ZNF521: variants seen among roughly 807,000 people sequenced by gnomAD.
The protein encoded by ZNF521 is LYST-interacting protein 3.
Under a neutral mutation model 105.5 loss-of-function variants are expected in ZNF521, and 14 were observed. The ratio of observed to expected loss-of-function variants is 0.13; its 90% CI spans 0.09 to 0.21. The LOEUF (loss-of-function observed/expected upper bound fraction) is 0.21, where lower values mean the gene tolerates loss of function less well. Ranked by LOEUF, ZNF521 falls within the 10% of genes least tolerant of loss-of-function variation. The probability of loss-of-function intolerance (pLI) is 1.00; values close to 1 mark genes in which losing one functional copy is unlikely to be tolerated. For missense variants in ZNF521, 1,233 were observed against 1,629.7 expected, an observed-to-expected ratio of 0.76 and a Z score of 4.19; for synonymous variants, 635 against 606.0, an observed-to-expected ratio of 1.05 and a Z score of -0.70.
intron 5 of ZNF521, among the ~76,000 whole-genome samples, chr18:25,113,599 GA>G: frequency 6.6e-6 from 1 of 151,976 alleles, no homozygotes; most frequent in East Asian, 1.9e-4. Context: ...GGAGAAAAGG[GA>G]AAAAATCATT....
intron 3 of ZNF521, among the ~76,000 whole-genome samples, chr18:25,238,209 A>T (rs914739602): frequency 3.9e-5 from 6 of 152,228 alleles, no homozygotes; most frequent in Non-Finnish European, 8.8e-5. Flanking sequence ...TTATGGGTAA[A>T]TGAATAAACC....
intron 5 of ZNF521, among the ~76,000 whole-genome samples, chr18:25,137,855 T>C (rs960789372): frequency 6.6e-6 from 1 of 152,204 alleles, no homozygotes; most frequent in African/African-American, 2.4e-5. Context: ...CGTTTGATCC[T>C]AAGGATGCCT....
At chr18:25,070,813 T>C (rs765754746) in intron 7 of ZNF521, among the ~76,000 whole-genome samples, 1 of 152,110 alleles carries the variant, frequency 6.6e-6, no homozygotes, top group Admixed American at 6.5e-5. Flanking sequence ...TGCCTTATAC[T>C]GTTTGAAAAA....
chr18:25,146,470 T>C (rs1184364149), intron 5 of ZNF521, among the ~76,000 whole-genome samples: 5 of 152,120 alleles, frequency 3.3e-5, no homozygotes, highest in Admixed American at 6.6e-5. Context: ...GGGAGCCCTA[T>C]AGAAAACTAG....
chr18:25,289,902 C>T (rs1382434263), intron 3 of ZNF521, among the ~76,000 whole-genome samples: 2 of 152,258 alleles, frequency 1.3e-5, no homozygotes, highest in East Asian at 1.9e-4. Context: ...AAGTTTTTCA[C>T]CCAGGCAGAA....
chr18:25,330,171 T>G (rs546946479), intron 2 of ZNF521, among the ~76,000 whole-genome samples: 1 of 137,546 alleles, frequency 7.3e-6, no homozygotes, highest in African/African-American at 2.7e-5. Context: ...TTTTTCTTTT[T>G]CTTTTTTTTT....
intron 3 of ZNF521, among the ~76,000 whole-genome samples, chr18:25,234,361 G>A (rs1439227606): frequency 1.3e-5 from 2 of 152,092 alleles, no homozygotes; most frequent in African/African-American, 2.4e-5. Flanking sequence ...GAGTTAGAAG[G>A]CATTTATTAG....
chr18:25,335,398 T>A (rs1012557668), intron 2 of ZNF521, among the ~76,000 whole-genome samples: 3 of 152,094 alleles, frequency 2.0e-5, no homozygotes, highest in African/African-American at 7.2e-5. Flanking sequence ...ATGATCTGTA[T>A]CCTCTCCTGT....
chr18:25,153,510 G>A (rs1223301182), intron 5 of ZNF521, among the ~76,000 whole-genome samples: 1 of 152,130 alleles, frequency 6.6e-6, no homozygotes, highest in Non-Finnish European at 1.5e-5. Context: ...ACTTCACAGG[G>A]CCTTGCTGAA....
intron 5 of ZNF521, among the ~76,000 whole-genome samples, chr18:25,186,410 T>C (rs1483504013): frequency 6.6e-6 from 1 of 152,226 alleles, no homozygotes; most frequent in African/African-American, 2.4e-5. Flanking sequence ...ATTTGTATTA[T>C]AGAACACCTC....
intron 4 of ZNF521, among the ~76,000 whole-genome samples, chr18:25,218,356 G>A (rs1400055446): frequency 2.6e-5 from 4 of 151,710 alleles, no homozygotes; most frequent in African/African-American, 7.3e-5. Flanking sequence ...GGTGGGAGGA[G>A]TTGATTCAAG....
At chr18:25,217,126 C>T (rs1206096641) in intron 4 of ZNF521, among the ~76,000 whole-genome samples, 1 of 152,080 alleles carries the variant, frequency 6.6e-6, no homozygotes, top group Non-Finnish European at 1.5e-5. Context: ...CGTTGGGGTT[C>T]ATTTGAGAAA....
At chr18:25,138,857 T>G (rs189989896) in intron 5 of ZNF521, among the ~76,000 whole-genome samples, 3 of 152,240 alleles carry the variant, frequency 2.0e-5, no homozygotes, top group Admixed American at 2.0e-4. Flanking sequence ...TATCTTGTGC[T>G]CTACCCACGA....
chr18:25,158,629 A>G (rs1201111384), intron 5 of ZNF521, among the ~76,000 whole-genome samples: 1 of 152,110 alleles, frequency 6.6e-6, no homozygotes, highest in African/African-American at 2.4e-5. Flanking sequence ...CAGGGAAGGA[A>G]GAAGAAAAGG....
At chr18:25,150,225 A>T (rs1472025072) in intron 5 of ZNF521, among the ~76,000 whole-genome samples, 3 of 152,268 alleles carry the variant, frequency 2.0e-5, no homozygotes, top group Middle Eastern at 6.8e-3. Flanking sequence ...GTGGGAACTA[A>T]GCTATAAGGA....
At chr18:25,162,829 T>C (rs1302782904) in intron 5 of ZNF521, among the ~76,000 whole-genome samples, 1 of 152,224 alleles carries the variant, frequency 6.6e-6, no homozygotes, top group Admixed American at 6.5e-5. Flanking sequence ...TTAAGCATGA[T>C]TTTTAAGCTG....
At chr18:25,099,356 C>T (rs1458657363) in intron 5 of ZNF521, among the ~76,000 whole-genome samples, 1 of 152,146 alleles carries the variant, frequency 6.6e-6, no homozygotes, top group Non-Finnish European at 1.5e-5. Flanking sequence ...AGCGGACTGG[C>T]AAAATCCACC....
chr18:25,226,379 G>A lies in ZNF521; in HGVS notation c.1539C>T (p.Phe513=), dbSNP rs758175472. Residue 513 remains phenylalanine (F), a synonymous_variant, in exon 4 of 8, where the codon TTC becomes TTT. Transcript: ENST00000361524. The surrounding 1 kb of genome is among the most constrained non-coding windows in gnomAD (Gnocchi z 4.1). ...ACCCCATATAGCAATGGGGACAAAA[G>A]AATGCATTACTATCTTTAGCTGCAG... The part of the protein sequence containing the change: ...ANPAAKDSNA[F]FCPHCYMGFL... 3 of 1,614,156 alleles carry A rather than the reference G, an allele frequency of 1.9e-6. No individual in the cohort carries two copies. In the South Asian group the frequency reaches 3.3e-5, roughly 18 times the overall value.
chr18:25,173,174 A>T (rs1249750331), intron 5 of ZNF521, among the ~76,000 whole-genome samples: 1 of 152,242 alleles, frequency 6.6e-6, no homozygotes, highest in Non-Finnish European at 1.5e-5. Context: ...TAAAATATGT[A>T]CATTCCCACA....
Sources: gnomAD v4.1 joint callset for allele counts (sites outside exome capture counted in the v4.1 genomes callset) on GRCh38, gnomAD v4.1.1 for gene constraint, Gnocchi (gnomAD v3.1) non-coding constraint, MANE v1.5 for transcripts, NCBI Gene and HGNC (gene_info 2026-07-23, HGNC 2026-07-21) for gene names.